The following CENPP variants were observed in gnomAD, a reference collection of about 807,000 sequenced individuals.
CENPP encodes centromere protein P.
A neutral mutation model predicts 35.6 loss-of-function variants in CENPP; 24 were observed. The observed-to-expected ratio is 0.67, with a 90% confidence interval of 0.49 to 0.95. CENPP has a LOEUF of 0.95. CENPP is among the 40% of genes least tolerant of loss of function. The pLI, the probability that CENPP is intolerant of heterozygous loss-of-function variation, is 0.00. For synonymous variants in CENPP, 120 were observed against 125.5 expected (o/e 0.96, Z 0.29); for missense variants, 332 against 345.3 (o/e 0.96, Z 0.31).
chr9:92,490,303 A>G (rs920556716), intron 5 of CENPP, among the ~76,000 whole-genome samples: 1 of 152,252 alleles, frequency 6.6e-6, no homozygotes, highest in African/African-American at 2.4e-5. Context: ...TTTTTTAACT[A>G]CAAGAGATGA....
chr9:92,433,666 C>T (rs1844173869), intron 5 of CENPP, among the ~76,000 whole-genome samples: 1 of 152,110 alleles, frequency 6.6e-6, no homozygotes, highest in African/African-American at 2.4e-5. Context: ...TGTGATAGCT[C>T]ACGGCCTATA....
intron 5 of CENPP, among the ~76,000 whole-genome samples, chr9:92,466,111 G>A (rs1308353158): frequency 2.0e-5 from 3 of 152,156 alleles, no homozygotes; most frequent in Non-Finnish European, 2.9e-5. Flanking sequence ...GGGATTACAA[G>A]CGTGAGCCAC....
chr9:92,451,217 T>A (rs915710489), intron 5 of CENPP, among the ~76,000 whole-genome samples: 11 of 150,384 alleles, frequency 7.3e-5, no homozygotes, highest in African/African-American at 2.7e-4. Context: ...TTCTAGGGTT[T>A]TTATGGTTTT....
At chr9:92,412,385 C>G (rs1282965350) in intron 5 of CENPP, among the ~76,000 whole-genome samples, 2 of 152,124 alleles carry the variant, frequency 1.3e-5, no homozygotes, top group Non-Finnish European at 1.5e-5. Context: ...CTGCACCCAG[C>G]CTAAAGTATA....
intron 5 of CENPP, chr9:92,415,476 C>T: frequency 1.9e-6 from 3 of 1,546,780 alleles, no homozygotes; most frequent in Admixed American, 2.0e-5. Context: ...TAAGATTCAT[C>T]TCTGAAAGAA....
intron 5 of CENPP, among the ~76,000 whole-genome samples, chr9:92,420,658 C>G (rs905400074): frequency 6.6e-6 from 1 of 152,082 alleles, no homozygotes. Context: ...TTTTTTAAGT[C>G]AAGAAAATAG....
At chr9:92,479,006 C>T (rs1196843923) in intron 5 of CENPP, among the ~76,000 whole-genome samples, 1 of 152,110 alleles carries the variant, frequency 6.6e-6, no homozygotes, top group Non-Finnish European at 1.5e-5. Flanking sequence ...TTGCACACCA[C>T]GTAATGGTTT....
intron 5 of CENPP, among the ~76,000 whole-genome samples, chr9:92,533,328 A>ATATAT (rs1247921787): frequency 2.6e-5 from 1 of 38,338 alleles, no homozygotes; most frequent in Non-Finnish European, 4.3e-5. Flanking sequence ...AAAAAAAAAA[A>ATATAT]ATATATATAT....
intron 5 of CENPP, chr9:92,417,229 T>C: frequency 6.2e-7 from 1 of 1,614,062 alleles, no homozygotes; most frequent in Non-Finnish European, 8.5e-7. Context: ...CATTGATGAA[T>C]GAATTTGCAG....
At chr9:92,509,346 C>T (rs1311809452) in intron 5 of CENPP, among the ~76,000 whole-genome samples, 2 of 152,170 alleles carry the variant, frequency 1.3e-5, no homozygotes, top group African/African-American at 4.8e-5. Flanking sequence ...GCATCTCAGC[C>T]GCATATGCAG....
chr9:92,535,515 A>T (rs1244950070), intron 5 of CENPP, among the ~76,000 whole-genome samples: 1 of 152,134 alleles, frequency 6.6e-6, no homozygotes, highest in Admixed American at 6.5e-5. Flanking sequence ...CTTACCAGTT[A>T]TCTTAAGTAA....
chr9:92,557,834 G>A (rs1159069846), intron 5 of CENPP, among the ~76,000 whole-genome samples: 1 of 151,978 alleles, frequency 6.6e-6, no homozygotes, highest in East Asian at 1.9e-4. Context: ...TAGTAGAGAC[G>A]GGATTTCAAC....
chr9:92,612,920 A>G, intron 7 of CENPP, 99 bp from the exon 8 acceptor site: 1 of 1,392,622 alleles, frequency 7.2e-7, no homozygotes, highest in Non-Finnish European at 1.0e-6. Context: ...GCTAGTCGGG[A>G]GGAGTGCGGG....
rs766419963 is a variant in CENPP, at chr9:92,496,393, A to G, written c.565-114921A>G. 73 of 1,610,690 alleles carry G rather than the reference A, an allele frequency of 4.5e-5. 2 individuals are homozygous for G. The South Asian group carries it at 7.4e-4, about 16-fold the overall frequency. On this transcript the variant is annotated intron_variant, in intron 5 of 7. Transcript: ENST00000375587. ...AAAATGTGTAAGATGGTATTTCTCT[A>G]ATTTTAATATAATTGTTTTCAAGAT...
chr9:92,515,578 A>G (rs1468438405), intron 5 of CENPP, among the ~76,000 whole-genome samples: 1 of 152,216 alleles, frequency 6.6e-6, no homozygotes, highest in Non-Finnish European at 1.5e-5. Context: ...CCTTTATAAT[A>G]GATACTGTTC....
chr9:92,385,887 G>GC (rs1272470370), intron 5 of CENPP: 7 of 1,080,906 alleles, frequency 6.5e-6, no homozygotes, highest in Non-Finnish European at 9.6e-6. Context: ...AGGTCTGAGT[G>GC]CCCCCTCACT....
intron 5 of CENPP, among the ~76,000 whole-genome samples, chr9:92,579,484 T>C (rs1418711995): frequency 6.6e-6 from 1 of 151,728 alleles, no homozygotes; most frequent in Non-Finnish European, 1.5e-5. Context: ...CGTTGAGCAG[T>C]GGTTTGTAGT....
At chr9:92,327,926 T>A (rs530452160) in intron 1 of CENPP, among the ~76,000 whole-genome samples, 22 of 152,238 alleles carry the variant, frequency 1.4e-4, no homozygotes, top group African/African-American at 5.3e-4. Flanking sequence ...TGCCACAGAG[T>A]CCGTTCTGCA....
rs368636331 is a variant in CENPP at position 92,532,099 on chromosome 9, G to A, written c.565-79215G>A. Among the ~76,000 whole-genome samples the A allele has an allele frequency of 7.3e-4, 100 of 136,748 alleles. 1 individual carries two copies. The highest frequency in any genetic ancestry group is 9.1e-4 in the Admixed American group (12 of 13,210). The allele number at this position is 136,748 out of a possible 152,430, so 89.7% of individuals were successfully genotyped here. On this transcript the variant is annotated intron_variant, in intron 5 of 7. Transcript: ENST00000375587. ...TGGCCTTGAATCCCTAGGCTAAAGC[G>A]ATCCACCTGACTCAACCTTTCGAGT...
Sources: gnomAD v4.1 joint callset for allele counts (sites outside exome capture counted in the v4.1 genomes callset) on GRCh38, gnomAD v4.1.1 for gene constraint, MANE v1.5 for transcripts, NCBI Gene and HGNC (gene_info 2026-07-23, HGNC 2026-07-21) for gene names.